RBPMS: variants seen among roughly 807,000 people sequenced by gnomAD.
RBPMS encodes RNA binding protein, mRNA processing factor.
RBPMS carries 7 observed loss-of-function variants against 26.8 expected under a neutral mutation model. The ratio of observed to expected loss-of-function variants is 0.26; its 90% CI spans 0.15 to 0.49. The LOEUF (loss-of-function observed/expected upper bound fraction) is 0.49. Among genes scored for constraint, RBPMS ranks in the 20% least tolerant of loss-of-function variants. The pLI is 0.98. For synonymous variants in RBPMS, 96 were observed against 93.3 expected (o/e 1.03, Z -0.17); for missense variants, 186 against 250.0 (o/e 0.74, Z 1.73).
intron 1 of RBPMS, among the ~76,000 whole-genome samples, chr8:30,462,415 C>CT (rs921309316): frequency 1.1e-3 from 164 of 151,082 alleles, no homozygotes; most frequent in African/African-American, 3.4e-3. Context: ...TAACATTATA[C>CT]TTTTTTGTTT....
At chr8:30,569,860 T>C (rs1352920031) in intron 8 of RBPMS, among the ~76,000 whole-genome samples, 5 of 152,306 alleles carry the variant, frequency 3.3e-5, no homozygotes, top group African/African-American at 1.2e-4. Context: ...GTGCTAGAAC[T>C]AATGTCATTA....
At chr8:30,548,776 C>T (rs796165113) in intron 6 of RBPMS, among the ~76,000 whole-genome samples, 10 of 152,174 alleles carry the variant, frequency 6.6e-5, no homozygotes, top group Admixed American at 2.0e-4. Flanking sequence ...TCCCCACCTC[C>T]CCTGTATCTG....
intron 1 of RBPMS, among the ~76,000 whole-genome samples, chr8:30,443,951 G>C (rs1439183731): frequency 1.3e-5 from 2 of 149,924 alleles, no homozygotes; most frequent in Non-Finnish European, 3.0e-5. Flanking sequence ...CTATTGCCCA[G>C]GCTGGAATGC....
chr8:30,501,086 C>T (rs1017786841), intron 4 of RBPMS, among the ~76,000 whole-genome samples: 2 of 152,162 alleles, frequency 1.3e-5, no homozygotes, highest in South Asian at 2.1e-4. Context: ...AGCAAATCCT[C>T]CAAGTTGATG....
intron 1 of RBPMS, among the ~76,000 whole-genome samples, chr8:30,464,689 T>C (rs1399788012): frequency 6.6e-6 from 1 of 152,232 alleles, no homozygotes; most frequent in Admixed American, 6.5e-5. Context: ...GTTTGAGAGA[T>C]GTGAAATGAC....
intron 6 of RBPMS, chr8:30,549,546 C>G (rs376566256): frequency 1.2e-6 from 2 of 1,614,014 alleles, no homozygotes; most frequent in African/African-American, 2.7e-5. Context: ...TTGAGCGCTC[C>G]GTCTCCTGAT....
At chr8:30,519,720 C>G (rs1039388788) in intron 5 of RBPMS, among the ~76,000 whole-genome samples, 8 of 151,992 alleles carry the variant, frequency 5.3e-5, no homozygotes, top group Non-Finnish European at 8.8e-5. Flanking sequence ...GTCTCGATCT[C>G]CTGACCTCGT....
chr8:30,385,189 C>G, intron 1 of RBPMS, 31 bp downstream of exon 1: 1 of 1,432,868 alleles, frequency 7.0e-7, no homozygotes. Flanking sequence ...GTGGCGGGGG[C>G]GACGCGGGAC....
At chr8:30,458,907 G>A (rs1815559033) in intron 1 of RBPMS, among the ~76,000 whole-genome samples, 1 of 150,760 alleles carries the variant, frequency 6.6e-6, no homozygotes, top group Admixed American at 6.6e-5. Flanking sequence ...GTCTCACTTT[G>A]TTGCCTCCCG....
chr8:30,534,093 CACT>C (rs1824548580), intron 5 of RBPMS, among the ~76,000 whole-genome samples: 1 of 151,196 alleles, frequency 6.6e-6, no homozygotes, highest in Non-Finnish European at 1.5e-5. Context: ...GAAATTGCGC[CACT>C]GACTCCAGCC....
intron 1 of RBPMS, among the ~76,000 whole-genome samples, chr8:30,413,276 T>G (rs1029151084): frequency 3.9e-5 from 6 of 152,122 alleles, no homozygotes; most frequent in African/African-American, 1.4e-4. Flanking sequence ...GATAGGTTTT[T>G]GCCAGGCTGG....
intron 1 of RBPMS, among the ~76,000 whole-genome samples, chr8:30,418,269 A>T (rs1252166589): frequency 1.3e-5 from 2 of 151,980 alleles, no homozygotes; most frequent in Non-Finnish European, 2.9e-5. Context: ...TTTTTAAGAG[A>T]GGGGATCTTG....
intron 2 of RBPMS, among the ~76,000 whole-genome samples, chr8:30,476,072 A>G (rs1401486933): frequency 6.6e-6 from 1 of 152,236 alleles, no homozygotes; most frequent in East Asian, 1.9e-4. Context: ...TTCTTAGTGT[A>G]TAAAATACTG....
chr8:30,548,831 A>T (rs114774445), intron 6 of RBPMS, among the ~76,000 whole-genome samples: 1,736 of 152,210 alleles, frequency 0.011, 38 homozygotes, highest in African/African-American at 0.038. Context: ...AACTAGATTT[A>T]AAAAAAAGCA....
chr8:30,523,964 A>G (rs1285707963), intron 5 of RBPMS, among the ~76,000 whole-genome samples: 3 of 152,146 alleles, frequency 2.0e-5, no homozygotes, highest in Non-Finnish European at 4.4e-5. Flanking sequence ...AGTTGTTTGA[A>G]TCAACATTCA....
intron 1 of RBPMS, among the ~76,000 whole-genome samples, chr8:30,443,853 C>T (rs2150717769): frequency 6.6e-6 from 1 of 152,146 alleles, no homozygotes; most frequent in South Asian, 2.1e-4. Flanking sequence ...CCTCGGCCTC[C>T]CAAAATGCTG....
chr8:30,559,825 C>T (rs1483286888), intron 7 of RBPMS, among the ~76,000 whole-genome samples: 1 of 152,196 alleles, frequency 6.6e-6, no homozygotes, highest in Non-Finnish European at 1.5e-5. Flanking sequence ...CAAACCTGTG[C>T]ACCTGATTTT....
chr8:30,549,540 G>A, intron 6 of RBPMS: 1 of 1,614,188 alleles, frequency 6.2e-7, no homozygotes, highest in Non-Finnish European at 8.5e-7. Context: ...CACCCCTTGA[G>A]CGCTCCGTCT....
chr8:30,466,735 C>CAA (rs1816545977), intron 1 of RBPMS, among the ~76,000 whole-genome samples: 1 of 151,886 alleles, frequency 6.6e-6, no homozygotes, highest in African/African-American at 2.4e-5. Context: ...GCTAGGATTA[C>CAA]AGGTGCCGAC....
Sources: allele counts gnomAD v4.1 joint callset (sites outside exome capture counted in the v4.1 genomes callset), GRCh38; gene constraint gnomAD v4.1.1; transcripts MANE v1.5; gene names NCBI Gene and HGNC (gene_info 2026-07-23, HGNC 2026-07-21).